IGSF10: variants seen among roughly 807,000 people sequenced by gnomAD.
IGSF10 encodes the protein immunoglobulin superfamily member 10.
In IGSF10, 126 loss-of-function variants were observed where a neutral mutation model predicts 128.2. The observed-to-expected ratio is 0.98, with a 90% CI of 0.85 to 1.14. The LOEUF (loss-of-function observed/expected upper bound fraction) is 1.14. IGSF10 is among the 50% of genes most tolerant of loss of function. The pLI is 0.00. For synonymous variants in IGSF10, 1,185 were observed against 1,146.2 expected, an observed-to-expected ratio of 1.03 and a Z score of -0.68; for missense variants, 3,295 against 3,149.8, an observed-to-expected ratio of 1.05 and a Z score of -1.10.
chr3:151,563,650 C>G, the IGSF10 span, among the ~76,000 whole-genome samples: 1 of 152,048 alleles, frequency 6.6e-6, no homozygotes, highest in Non-Finnish European at 1.5e-5. Flanking sequence ...ACATTTAGCT[C>G]TAGTTTAAAG....
the IGSF10 span, among the ~76,000 whole-genome samples, chr3:151,618,708 C>A: frequency 7.0e-6 from 1 of 142,160 alleles, no homozygotes; most frequent in African/African-American, 2.6e-5. Context: ...CCAGCCCGGG[C>A]AACAGAGTGA....
intron 1 of IGSF10, 41 bp downstream of exon 1, chr3:151,460,905 G>A (rs938036244): frequency 6.1e-6 from 6 of 984,546 alleles, no homozygotes; most frequent in African/African-American, 1.7e-5. Context: ...CCGGCGTGGG[G>A]TTCCAGCCCT....
rs541666009 is a variant in IGSF10, at chr3:151,447,950, C to T, written c.2031G>A (p.Glu677=). 1.2e-6 allele frequency: 2 copies of T among 1,614,072 alleles called. No homozygotes were observed. Among genetic ancestry groups the T allele is most frequent in the Admixed American group, 1.7e-5 (1 of 60,006 alleles). Residue 677 remains glutamate (E), a synonymous_variant, in exon 6 of 8, where the codon GAG becomes GAA. Coordinates refer to ENST00000282466, the MANE Select transcript of IGSF10 (RefSeq NM_178822.5). ...QRPLEHDGET[E]GSGLDESNPI... The stretch of plus-strand genomic sequence containing the variant: ...GATTGGACTCATCAAGTCCAGATCC[C>T]TCTGTTTCTCCATCATGCTCCAAGG...
chr3:151,519,410 T>C, the IGSF10 span, among the ~76,000 whole-genome samples: 1 of 151,868 alleles, frequency 6.6e-6, no homozygotes, highest in Admixed American at 6.6e-5. Context: ...TTCCTCATCA[T>C]TTTTGTGTTA....
the IGSF10 span, among the ~76,000 whole-genome samples, chr3:151,478,560 C>G: frequency 0.5 from 75,390 of 152,088 alleles, 19,188 homozygotes; most frequent in African/African-American, 0.61. Context: ...CTGATGCAGT[C>G]TTAAAGGACG....
chr3:151,572,612 C>A, the IGSF10 span, among the ~76,000 whole-genome samples: 1 of 151,738 alleles, frequency 6.6e-6, no homozygotes, highest in African/African-American at 2.4e-5. Context: ...CTTCTCTCTT[C>A]TCCTTTATTA....
the IGSF10 span, among the ~76,000 whole-genome samples, chr3:151,487,097 GAAGA>G: frequency 1.3e-5 from 2 of 151,462 alleles, no homozygotes; most frequent in African/African-American, 4.9e-5. Context: ...GACTAATGAA[GAAGA>G]AAGGAAAGAA....
chr3:151,446,177 A>C lies in IGSF10; in HGVS notation c.3804T>G (p.Thr1268=), dbSNP rs746189585. Residue 1268 remains threonine, a synonymous_variant, in exon 6 of 8, where the codon ACT becomes ACG. Transcript: ENST00000282466. ...TTTTGGTCGTAGTGTGGTGAGCGGT[A>C]GTCAAGGTATTAGATGGAATTTGCA... ...SVMQIPSNTL[T]TAHHTTTKTH... 1 of 1,614,152 alleles carries C rather than the reference A, an allele frequency of 6.2e-7. No homozygotes were observed.
At chr3:151,593,604 G>C in the IGSF10 span, among the ~76,000 whole-genome samples, 1 of 151,678 alleles carries the variant, frequency 6.6e-6, no homozygotes, top group Non-Finnish European at 1.5e-5. Flanking sequence ...TTTTTCTGAA[G>C]ACAAAGGCAT....
Position 151,447,411 on chromosome 3 carries a change from G to C in IGSF10, c.2570C>G (p.Thr857Arg). The C allele has an allele frequency of 6.2e-7, 1 of 1,614,118 alleles. No homozygotes were observed. Among genetic ancestry groups the C allele is most frequent in the South Asian group, 1.1e-5 (1 of 91,076 alleles). ...NSQILPPEEPTDFKLSTAIKT... is the reference protein window; with the variant it reads ...NSQILPPEEPRDFKLSTAIKT... ...AATAGCAGTAGACAGTTTGAAATCTGTGGGTTCTTCAGGTGGTAGTATTTG... is the reference window on the plus strand; with the variant it reads ...AATAGCAGTAGACAGTTTGAAATCTCTGGGTTCTTCAGGTGGTAGTATTTG... The change falls in exon 6 of 8, where the codon ACA (threonine) becomes AGA (arginine). Residue 857 changes from threonine to arginine, a missense_variant. By Grantham distance (71) the Thr-to-Arg change is moderately conservative. Transcript: ENST00000282466.
chr3:151,603,942 G>A, the IGSF10 span, among the ~76,000 whole-genome samples: 2 of 152,118 alleles, frequency 1.3e-5, no homozygotes, highest in East Asian at 1.9e-4. Context: ...CCTGGCCTGC[G>A]AGCTCTCTGA....
chr3:151,590,017 T>C, the IGSF10 span, among the ~76,000 whole-genome samples: 1 of 152,036 alleles, frequency 6.6e-6, no homozygotes, highest in African/African-American at 2.4e-5. Flanking sequence ...AAAGAGTGAA[T>C]GATCAAGTTG....
At chr3:151,551,076 A>G in the IGSF10 span, among the ~76,000 whole-genome samples, 645 of 152,228 alleles carry the variant, frequency 4.2e-3, no homozygotes, top group African/African-American at 0.014. Flanking sequence ...CTGTGTGTCT[A>G]CAAGGTTTGA....
In IGSF10 at chr3:151,445,760, T is replaced by G. The variant is rs776183464; in HGVS notation, c.4221A>C (p.Thr1407=). ...PPENTTGISS[T]ISFHSRTLNL... ...TAAGAGTTCTTGAATGAAAACTGAT[T>G]GTGCTTGAAATCCCAGTTGTGTTTT... The change falls in exon 6 of 8, where the codon ACA becomes ACC. Residue 1407 remains threonine (T), a synonymous_variant. Coordinates refer to ENST00000282466, the MANE Select transcript of IGSF10 (RefSeq NM_178822.5). 1.9e-5 allele frequency: 31 copies of G among 1,614,112 alleles called. No homozygotes were observed. The highest frequency in any genetic ancestry group is 2.6e-5 in the Non-Finnish European group (31 of 1,180,046).
At chr3:151,433,573 A>G (rs1719768446), downstream of IGSF10, 2 of 152,464 alleles carry the variant, frequency 1.3e-5, no homozygotes, top group Non-Finnish European at 2.9e-5. Context: ...GTGAAGGTAC[A>G]ACATGTAAAT....
chr3:151,520,342 A>G, the IGSF10 span, among the ~76,000 whole-genome samples: 1 of 151,858 alleles, frequency 6.6e-6, no homozygotes, highest in Non-Finnish European at 1.5e-5. Flanking sequence ...AAAGGATGGT[A>G]AAAGTAGTCC....
At chr3:151,456,903 C>T (rs1009063727) in intron 4 of IGSF10, 123 bp downstream of exon 4, 26 of 928,138 alleles carry the variant, frequency 2.8e-5, no homozygotes, top group Non-Finnish European at 4.3e-5. Flanking sequence ...TCTCCATTGA[C>T]GTCTGCTTCT....
the IGSF10 span, among the ~76,000 whole-genome samples, chr3:151,534,709 C>T: frequency 5.3e-5 from 8 of 151,786 alleles, no homozygotes; most frequent in East Asian, 5.8e-4. Flanking sequence ...ATGTAGATGA[C>T]GGGTCAATGG....
At chr3:151,497,254 C>T in the IGSF10 span, among the ~76,000 whole-genome samples, 4 of 152,138 alleles carry the variant, frequency 2.6e-5, no homozygotes, top group Non-Finnish European at 5.9e-5. Context: ...CTAGCCCATG[C>T]CTATGTCCTG....
Sources: allele counts gnomAD v4.1 joint callset (sites outside exome capture counted in the v4.1 genomes callset), GRCh38; gene constraint gnomAD v4.1.1; transcripts MANE v1.5; gene names NCBI Gene and HGNC (gene_info 2026-07-23, HGNC 2026-07-21).